Variants in MAP3K12 observed in about 807,000 individuals in gnomAD.
MAP3K12 encodes the protein mitogen-activated protein kinase kinase kinase 12.
A neutral mutation model predicts 87.5 loss-of-function variants in MAP3K12; 14 were observed. That is an observed-to-expected ratio of 0.16 (90% confidence interval 0.11 to 0.25). The LOEUF (loss-of-function observed/expected upper bound fraction) is 0.25. MAP3K12 is among the 10% of genes least tolerant of loss of function. The pLI is 1.00. For missense variants in MAP3K12, 802 were observed against 1,140.4 expected (o/e 0.70, Z 4.27); for synonymous variants, 469 against 452.5 (o/e 1.04, Z -0.46).
chr12:53,480,972 T>C lies in MAP3K12; in HGVS notation c.*210A>G, dbSNP rs1943011149. 1 of 180,954 alleles carries C rather than the reference T, an allele frequency of 5.5e-6. No homozygotes were observed. The highest frequency in any genetic ancestry group is 1.1e-5 in the Non-Finnish European group (1 of 89,366). 11.2% of individuals were successfully genotyped at this position (180,954 alleles called of 1,614,324 possible). A position where few individuals can be genotyped will look rare whatever the true frequency, so the allele number is the denominator to read the frequency against. On this transcript the variant is annotated 3_prime_UTR_variant, in exon 14 of 14. Transcript: ENST00000547488. Reference sequence around the variant, plus strand: ...GAAGGGGCTTGCCCTTAGCCACAGCTCTACGGCTGTGCCTCATTCATTTCC... The same window carrying C: ...GAAGGGGCTTGCCCTTAGCCACAGCCCTACGGCTGTGCCTCATTCATTTCC...
chr12:53,488,760 G>A (rs189287346), intron 1 of MAP3K12, among the ~76,000 whole-genome samples: 43 of 152,260 alleles, frequency 2.8e-4, no homozygotes, highest in African/African-American at 1.0e-3. Context: ...GGGAGGCTGA[G>A]GCAGGTGGAT....
At chr12:53,498,369 T>G (rs1470741106) in intron 1 of MAP3K12, among the ~76,000 whole-genome samples, 1 of 152,146 alleles carries the variant, frequency 6.6e-6, no homozygotes, top group African/African-American at 2.4e-5. Flanking sequence ...TTTAGAGGGA[T>G]GCACTGACTG....
At position 53,486,888 on chromosome 12, in the gene MAP3K12, A is replaced by C. The variant is rs747867901; in HGVS notation, c.445+59T>G. 49 of 1,595,034 alleles carry C rather than the reference A, an allele frequency of 3.1e-5. No individual in the cohort carries two copies. Among genetic ancestry groups the C allele is most frequent in the Admixed American group, 1.7e-4 (10 of 59,176 alleles). On this transcript the variant is annotated intron_variant, in intron 2 of 13. Transcript: ENST00000547488. This position sits in a 1 kb window ranked among gnomAD's most constrained non-coding sequence, Gnocchi z 4.9. ...CCATTGCGTGACTTTAGCGGAGCTG[A>C]CCAACAGATCTCGGGCTCAGGGAAA...
rs762762184 is a variant in MAP3K12 at position 53,481,156 on chromosome 12, C to T, written c.*26G>A. 4 of 1,160,458 alleles carry T rather than the reference C, an allele frequency of 3.4e-6. No individual in the cohort carries two copies. The highest frequency in any genetic ancestry group is 3.2e-5 in the Admixed American group (1 of 31,584). The allele number at this position is 1,160,458 out of a possible 1,614,324, so 71.9% of individuals were successfully genotyped here. A position where few individuals can be genotyped will look rare whatever the true frequency, so the allele number is the denominator to read the frequency against. On this transcript the variant is annotated 3_prime_UTR_variant, in exon 14 of 14. Transcript: ENST00000547488. ...ATATATAATTTATATAAATATTTCT[C>T]TATGTACAAGGAATACGAGTGGCTT...
chr12:53,494,212 C>A (rs1297700344), intron 1 of MAP3K12, among the ~76,000 whole-genome samples: 1 of 152,210 alleles, frequency 6.6e-6, no homozygotes, highest in Non-Finnish European at 1.5e-5. Flanking sequence ...GTAGCTGTCT[C>A]TCCGTTATCA....
At chr12:53,491,624 C>G (rs1390391223) in intron 1 of MAP3K12, among the ~76,000 whole-genome samples, 1 of 151,552 alleles carries the variant, frequency 6.6e-6, no homozygotes, top group Non-Finnish European at 1.5e-5. Flanking sequence ...TAGTAGAGAC[C>G]GGGTTTCACC....
At chr12:53,499,900 CCTTT>C (rs1202711776), upstream of MAP3K12, 2 of 152,352 alleles carry the variant, frequency 1.3e-5, no homozygotes, top group African/African-American at 4.8e-5. Context: ...CTTATAGACT[CCTTT>C]CTACATCGGA....
Position 53,487,239 on chromosome 12 carries a change from A to G in MAP3K12, c.153T>C (p.Asp51=). ...CACCCTGCCCACCAAGGGGTACCAC[A>G]TCTCGAAGTACACACTGGGTAGGCG... The part of the protein sequence containing the change: ...DLTPTQCVLR[D]VVPLGGQGGG... Residue 51 remains aspartate, a synonymous_variant, in exon 2 of 14, where the codon GAT becomes GAC. Transcript: ENST00000547488. 6.2e-7 allele frequency: 1 copy of G among 1,613,078 alleles called. No homozygotes were observed. The highest frequency in any genetic ancestry group is 8.5e-7 in the Non-Finnish European group (1 of 1,179,668).
At chr12:53,498,609 T>A (rs1943591697) in intron 1 of MAP3K12, among the ~76,000 whole-genome samples, 1 of 152,116 alleles carries the variant, frequency 6.6e-6, no homozygotes, top group African/African-American at 2.4e-5. Context: ...TCAACTCTTG[T>A]TTATTTTTAA....
intron 6 of MAP3K12, 52 bp downstream of exon 6, chr12:53,485,004 C>G: frequency 6.2e-7 from 1 of 1,609,306 alleles, no homozygotes. Flanking sequence ...CCCAGTACTA[C>G]CGTGCTTCTC....
upstream of MAP3K12, chr12:53,501,126 A>C (rs1943680949): frequency 3.8e-6 from 2 of 530,532 alleles, no homozygotes; most frequent in East Asian, 6.6e-5. Context: ...AAACAAAAAA[A>C]TACGGCCTTC....
chr12:53,497,806 G>A (rs1378261286), intron 1 of MAP3K12, among the ~76,000 whole-genome samples: 2 of 152,188 alleles, frequency 1.3e-5, no homozygotes, highest in African/African-American at 2.4e-5. Flanking sequence ...TTACAGGGTT[G>A]ATTCCTTCTT....
At chr12:53,482,272 A>G (rs780777158) in intron 12 of MAP3K12, 27 bp downstream of exon 12, 1 of 1,613,968 alleles carries the variant, frequency 6.2e-7, no homozygotes, top group South Asian at 1.1e-5. Context: ...CAAGAATGCC[A>G]TTAATTCTTG....
At position 53,485,164 on chromosome 12, in the gene MAP3K12, T is replaced by C; in HGVS notation, c.1031A>G (p.Lys344Arg). The stretch of plus-strand genomic sequence containing the variant: ...GATAATGGCTGAGGAATCTACGTCT[T>C]TGTAGGGGATCTCACCAGTCAGCAG... ...WELLTGEIPY[K>R]DVDSSAIIWG... The change falls in exon 6 of 14, where the codon AAA (lysine) becomes AGA (arginine). Residue 344 changes from lysine to arginine, a missense_variant. Lys to Arg is a conservative substitution (Grantham distance 26). Coordinates refer to ENST00000547488, the MANE Select transcript of MAP3K12 (RefSeq NM_001193511.2). The C allele has an allele frequency of 6.2e-7, 1 of 1,614,060 alleles. No individual in the cohort carries two copies. The highest frequency in any genetic ancestry group is 8.5e-7 in the Non-Finnish European group (1 of 1,179,984).
chr12:53,485,098 G>T lies in MAP3K12; in HGVS notation c.1097C>A (p.Ser366Tyr). Residue 366 changes from serine to tyrosine, a missense_variant, in exon 6 of 14, where the codon TCC (serine) becomes TAC (tyrosine). Ser to Tyr is a moderately radical substitution (Grantham distance 144). Around this residue, in one of 5 missense-constraint regions of MAP3K12, gnomAD observed 99 missense variants for 193.4 expected, o/e 0.51. Coordinates refer to ENST00000547488, the MANE Select transcript of MAP3K12 (RefSeq NM_001193511.2). ...GATCTTGAAACCATCTGGGCAACTG[G>T]AGGGCACGGGCAGATGGAGACTGTT... ...GSNSLHLPVP[S>Y]SCPDGFKILL... The T allele has an allele frequency of 6.2e-7, 1 of 1,614,206 alleles. No homozygotes were observed. Among genetic ancestry groups the T allele is most frequent in the South Asian group, 1.1e-5 (1 of 91,082 alleles).
At chr12:53,493,296 A>T (rs1209591643) in intron 1 of MAP3K12, among the ~76,000 whole-genome samples, 1 of 152,006 alleles carries the variant, frequency 6.6e-6, no homozygotes, top group East Asian at 1.9e-4. Context: ...CGAGGATCTT[A>T]GGTGCGGACC....
intron 1 of MAP3K12, among the ~76,000 whole-genome samples, chr12:53,495,752 AG>A (rs1943536616): frequency 6.6e-6 from 1 of 152,028 alleles, no homozygotes; most frequent in Non-Finnish European, 1.5e-5. Flanking sequence ...CAAGAGGAAA[AG>A]AACTATTGCT....
rs762750784 is a variant in MAP3K12, at chr12:53,487,305, C to G, written c.87G>C (p.Leu29=). 6.2e-7 allele frequency: 1 copy of G among 1,613,966 alleles called. No homozygotes were observed. Among genetic ancestry groups the G allele is most frequent in the Non-Finnish European group, 8.5e-7 (1 of 1,180,024 alleles). ...STLSEASMRK[L]DPDTSDCTPE... The stretch of plus-strand genomic sequence containing the variant: ...GAGTGCAGTCAGAAGTGTCTGGGTC[C>G]AGCTTGCGCATGGATGCCTCACTTA... Residue 29 remains leucine, a synonymous_variant, in exon 2 of 14, where the codon CTG becomes CTC. Transcript: ENST00000547488.
chr12:53,491,301 A>AAAAAAAAAAAAGAAAAAG lies in MAP3K12; in HGVS notation c.-37-3874_-37-3873insCTTTTTCTTTTTTTTTTT, dbSNP rs796169121. 2.6e-3 allele frequency among the ~76,000 whole-genome samples: 263 copies of AAAAAAAAAAAAGAAAAAG among 101,570 alleles called. 3 individuals are homozygous for AAAAAAAAAAAAGAAAAAG. The highest frequency in any genetic ancestry group is 4.2e-3 in the Non-Finnish European group (222 of 52,286). 66.6% of individuals were successfully genotyped at this position (101,570 alleles called of 152,430 possible). A position where few individuals can be genotyped will look rare whatever the true frequency, so the allele number is the denominator to read the frequency against. On this transcript the variant is annotated intron_variant, in intron 1 of 13. Coordinates refer to ENST00000547488, the MANE Select transcript of MAP3K12 (RefSeq NM_001193511.2). ...AGACTCTGTCTCAAAAAAAAAAAAAAAAAAGAAAAGAAAAGAAAAACAGGC... is the reference window on the plus strand; with the variant it reads ...AGACTCTGTCTCAAAAAAAAAAAAAAAAAAAAAAAAAGAAAAAGAAAAGAAAAGAAAAGAAAAACAGGC...
Sources: gnomAD v4.1 joint callset for allele counts (sites outside exome capture counted in the v4.1 genomes callset) on GRCh38, gnomAD v4.1.1 for gene constraint, gnomAD v4.1.1 regional missense constraint, Gnocchi (gnomAD v3.1) non-coding constraint, MANE v1.5 for transcripts, NCBI Gene and HGNC (gene_info 2026-07-23, HGNC 2026-07-21) for gene names.